The following PCSK2 variants were observed in gnomAD, a reference collection of about 807,000 sequenced individuals.
PCSK2 encodes the protein proprotein convertase subtilisin/kexin type 2.
PCSK2 carries 14 observed loss-of-function variants against 69.7 expected under a neutral mutation model. The observed-to-expected ratio is 0.20, with a 90% CI of 0.13 to 0.31. The LOEUF (loss-of-function observed/expected upper bound fraction) is 0.31, where lower values mean the gene tolerates loss of function less well. PCSK2 is among the 10% of genes least tolerant of loss of function. The pLI is 1.00. For missense variants in PCSK2, 544 were observed against 842.5 expected (o/e 0.65, Z 4.39); for synonymous variants, 307 against 320.7 (o/e 0.96, Z 0.46).
chr20:17,396,625 T>A (rs575835525), intron 5 of PCSK2, among the ~76,000 whole-genome samples: 1 of 152,210 alleles, frequency 6.6e-6, no homozygotes, highest in Non-Finnish European at 1.5e-5. Flanking sequence ...CTTATTTTTT[T>A]TTTTTTTGAA....
Position 17,260,266 on chromosome 20 carries a change from C to T in PCSK2, c.204C>T (p.His68=). 1 of 1,613,338 alleles carries T rather than the reference C, an allele frequency of 6.2e-7. No homozygotes were observed. Among genetic ancestry groups the T allele is most frequent in the Non-Finnish European group, 8.5e-7 (1 of 1,179,322 alleles). Residue 68 remains histidine, a synonymous_variant, in exon 2 of 12, where the codon CAC becomes CAT. Transcript: ENST00000262545. The part of the protein sequence containing the change: ...RKLPFAEGLY[H]FYHNGLAKAK... ...TTCCCTTTGCTGAAGGTCTGTACCA[C>T]TTTTATCACAATGGCCTTGCAAAGG...
At chr20:17,369,614 A>G (rs1183784534) in intron 5 of PCSK2, among the ~76,000 whole-genome samples, 1 of 152,216 alleles carries the variant, frequency 6.6e-6, no homozygotes, top group Non-Finnish European at 1.5e-5. Flanking sequence ...AAGCAAATGG[A>G]CAAGGCATGT....
chr20:17,358,350 A>G lies in PCSK2; in HGVS notation c.306A>G (p.Glu102=), dbSNP rs748439676. The G allele has an allele frequency of 2.5e-6, 4 of 1,609,406 alleles. No individual in the cohort carries two copies. The highest frequency in any genetic ancestry group is 1.7e-4 in the Middle Eastern group (1 of 6,052). Reference sequence around the variant, plus strand: ...AGGTAAAGATGGCTTTGCAGCAGGAAGGATTTGACCGAAAAAAGCGAGGTT... The same window carrying G: ...AGGTAAAGATGGCTTTGCAGCAGGAGGGATTTGACCGAAAAAAGCGAGGTT... The part of the protein sequence containing the change: ...DPRVKMALQQ[E]GFDRKKRGYR... Residue 102 remains glutamate, a synonymous_variant, in exon 3 of 12, where the codon GAA becomes GAG. Coordinates refer to ENST00000262545, the MANE Select transcript of PCSK2 (RefSeq NM_002594.5).
intron 7 of PCSK2, among the ~76,000 whole-genome samples, chr20:17,432,793 C>A (rs566294619): frequency 1.1e-3 from 166 of 152,306 alleles, no homozygotes; most frequent in African/African-American, 3.9e-3. Context: ...TGCCTTCAGG[C>A]CTTTTGTGTG....
At chr20:17,344,547 T>A (rs1438965044) in intron 2 of PCSK2, among the ~76,000 whole-genome samples, 3 of 152,226 alleles carry the variant, frequency 2.0e-5, no homozygotes, top group Non-Finnish European at 4.4e-5. Flanking sequence ...TTTAGTTCAT[T>A]GTCCTCATCC....
intron 1 of PCSK2, among the ~76,000 whole-genome samples, chr20:17,259,080 G>T (rs1326500532): frequency 6.6e-6 from 1 of 151,938 alleles, no homozygotes; most frequent in Non-Finnish European, 1.5e-5. Flanking sequence ...AAAAATCTCA[G>T]ATTGGCCCCA....
intron 7 of PCSK2, among the ~76,000 whole-genome samples, chr20:17,435,608 G>A (rs991668972): frequency 6.6e-6 from 1 of 152,146 alleles, no homozygotes; most frequent in Non-Finnish European, 1.5e-5. Flanking sequence ...ACATCCTTTG[G>A]CCACCGGGGA....
intron 6 of PCSK2, among the ~76,000 whole-genome samples, chr20:17,420,985 C>T (rs781376892): frequency 7.2e-5 from 11 of 152,206 alleles, no homozygotes; most frequent in Non-Finnish European, 1.6e-4. Flanking sequence ...GATTATTCAA[C>T]GACAAAGAAA....
chr20:17,339,411 G>T (rs1312132393), intron 2 of PCSK2, among the ~76,000 whole-genome samples: 1 of 152,160 alleles, frequency 6.6e-6, no homozygotes, highest in African/African-American at 2.4e-5. Context: ...CTCATGATCC[G>T]TCGACATTTC....
intron 4 of PCSK2, among the ~76,000 whole-genome samples, chr20:17,363,904 T>C (rs2030494622): frequency 6.6e-6 from 1 of 152,228 alleles, no homozygotes; most frequent in Non-Finnish European, 1.5e-5. Context: ...GGCAAGAAAC[T>C]GCCCAAAGTC....
intron 6 of PCSK2, among the ~76,000 whole-genome samples, chr20:17,427,951 A>C (rs1376238248): frequency 6.6e-6 from 1 of 152,204 alleles, no homozygotes; most frequent in Non-Finnish European, 1.5e-5. Context: ...ACATTCTTTC[A>C]GTCAAAATAA....
chr20:17,381,590 T>A (rs903002385), intron 5 of PCSK2, among the ~76,000 whole-genome samples: 3 of 152,138 alleles, frequency 2.0e-5, no homozygotes, highest in Non-Finnish European at 4.4e-5. Context: ...ATAATTGTCA[T>A]CCCCAACAAG....
chr20:17,466,500 G>A lies in PCSK2; in HGVS notation c.1430+947G>A, dbSNP rs979587761. ...GATTTTGCCACTTGGAGGGATTTGT[G>A]TATGGGGTTCCCTACACAGAAACCA... On this transcript the variant is annotated intron_variant, in intron 11 of 11. Transcript: ENST00000262545. Among the ~76,000 whole-genome samples, 2 of 152,206 alleles carry A rather than the reference G, an allele frequency of 1.3e-5. 1 individual carries two copies.
At chr20:17,380,375 T>C (rs2031055037) in intron 5 of PCSK2, among the ~76,000 whole-genome samples, 1 of 152,176 alleles carries the variant, frequency 6.6e-6, no homozygotes, top group African/African-American at 2.4e-5. Flanking sequence ...ATGGGGCCCT[T>C]TCATAAATAA....
intron 5 of PCSK2, among the ~76,000 whole-genome samples, chr20:17,405,391 A>G (rs1194195296): frequency 6.6e-6 from 1 of 152,110 alleles, no homozygotes. Flanking sequence ...GCCAGGTGCA[A>G]TCTCAGGAGC....
chr20:17,478,202 T>A (rs1360342789), intron 11 of PCSK2, among the ~76,000 whole-genome samples: 1 of 152,222 alleles, frequency 6.6e-6, no homozygotes, highest in African/African-American at 2.4e-5. Flanking sequence ...CCAGACTCAC[T>A]TTTTTCCTCC....
chr20:17,374,090 G>T (rs148275974), intron 5 of PCSK2, among the ~76,000 whole-genome samples: 114 of 152,230 alleles, frequency 7.5e-4, no homozygotes, highest in African/African-American at 2.0e-3. Context: ...ACCCATCTTC[G>T]CTATAATAAC....
At chr20:17,338,497 C>A (rs1990422694) in intron 2 of PCSK2, among the ~76,000 whole-genome samples, 1 of 149,676 alleles carries the variant, frequency 6.7e-6, no homozygotes, top group South Asian at 2.1e-4. Flanking sequence ...GCCCAGCTAA[C>A]CTTATGTTTT....
chr20:17,243,441 C>A (rs992600348), intron 1 of PCSK2, among the ~76,000 whole-genome samples: 1 of 150,512 alleles, frequency 6.6e-6, no homozygotes, highest in African/African-American at 2.5e-5. Context: ...CTCAAATGAT[C>A]CTCCTGTCTC....
Sources: allele counts gnomAD v4.1 joint callset (sites outside exome capture counted in the v4.1 genomes callset), GRCh38; gene constraint gnomAD v4.1.1; transcripts MANE v1.5; gene names NCBI Gene and HGNC (gene_info 2026-07-23, HGNC 2026-07-21).